The following MEGF11 variants were observed in gnomAD, a reference collection of about 807,000 sequenced individuals.
MEGF11 encodes multiple epidermal growth factor-like domains protein 11.
In MEGF11, 126 loss-of-function variants were observed where a neutral mutation model predicts 146.6. The observed-to-expected ratio is 0.86, with a 90% confidence interval of 0.74 to 1.00. The LOEUF (loss-of-function observed/expected upper bound fraction) is 1.00. MEGF11 is among the 50% of genes least tolerant of loss of function. The pLI, the probability that MEGF11 is intolerant of heterozygous loss-of-function variation, is 0.00. For missense variants in MEGF11, 1,509 were observed against 1,521.2 expected (o/e 0.99, Z 0.13); for synonymous variants, 532 against 583.4 (o/e 0.91, Z 1.27).
In MEGF11 at chr15:65,913,896, C is replaced by A. The variant is rs746916371; in HGVS notation, c.2551G>T (p.Ala851Ser). 1.3e-5 allele frequency: 21 copies of A among 1,613,930 alleles called. No homozygotes were observed. The highest frequency in any genetic ancestry group is 6.7e-5 in the Admixed American group (4 of 60,016). ...ALGAERHSVGAVTGIMLLLFL... is the reference protein window; with the variant it reads ...ALGAERHSVGSVTGIMLLLFL... ...AACAGGAGCATGATGCCTGTGACAGCACCCACCGAGTGCCGCTCTGCACCC... is the reference window on the plus strand; with the variant it reads ...AACAGGAGCATGATGCCTGTGACAGAACCCACCGAGTGCCGCTCTGCACCC... Residue 851 changes from alanine to serine, a missense_variant, in exon 20 of 26, where the codon GCT becomes TCT. Physicochemically the swap from Ala to Ser is moderately conservative, Grantham distance 99. Transcript: ENST00000395614.
chr15:66,060,493 C>T (rs1477286552), intron 5 of MEGF11, among the ~76,000 whole-genome samples: 3 of 152,242 alleles, frequency 2.0e-5, no homozygotes, highest in African/African-American at 7.2e-5. Flanking sequence ...TGCGCAGAAG[C>T]CTCCGAGGGA....
intron 5 of MEGF11, among the ~76,000 whole-genome samples, chr15:66,058,445 G>C (rs936780212): frequency 6.6e-6 from 1 of 152,200 alleles, no homozygotes; most frequent in Non-Finnish European, 1.5e-5. Flanking sequence ...CAAGCCAGGA[G>C]CTGAGGAGGC....
At chr15:65,978,930 T>C (rs1046150685) in intron 7 of MEGF11, among the ~76,000 whole-genome samples, 3 of 152,002 alleles carry the variant, frequency 2.0e-5, no homozygotes, top group Admixed American at 2.0e-4. Context: ...AAGGAAGGTA[T>C]TGACAGACCA....
intron 23 of MEGF11, 97 bp downstream of exon 23, chr15:65,908,937 G>C (rs1387769163): frequency 1.1e-5 from 8 of 721,100 alleles, no homozygotes; most frequent in Non-Finnish European, 1.9e-5. Context: ...AGAGTTCTGG[G>C]ACCACAGGGT....
chr15:66,122,098 A>G (rs2088056672), intron 3 of MEGF11, among the ~76,000 whole-genome samples: 1 of 152,098 alleles, frequency 6.6e-6, no homozygotes, highest in Admixed American at 6.5e-5. Context: ...CCCCATCTCT[A>G]CTAAAAATAC....
chr15:66,012,809 C>T (rs943930274), intron 5 of MEGF11, among the ~76,000 whole-genome samples: 3 of 152,214 alleles, frequency 2.0e-5, no homozygotes, highest in African/African-American at 7.2e-5. Context: ...GCAGCGCTTC[C>T]CCTAGGAGCC....
At chr15:65,918,437 CCTGTA>C (rs1358938533) in intron 15 of MEGF11, among the ~76,000 whole-genome samples, 1 of 152,238 alleles carries the variant, frequency 6.6e-6, no homozygotes, top group African/African-American at 2.4e-5. Context: ...TCCAGTGCTC[CCTGTA>C]CTGTTCCACA....
chr15:66,149,889 T>C (rs918446627), intron 1 of MEGF11, among the ~76,000 whole-genome samples: 69 of 152,356 alleles, frequency 4.5e-4, no homozygotes, highest in African/African-American at 1.6e-3. Flanking sequence ...CAGACCTCAC[T>C]GGAGCATCAC....
chr15:66,022,758 G>T (rs756336541), intron 5 of MEGF11, among the ~76,000 whole-genome samples: 1 of 149,746 alleles, frequency 6.7e-6, no homozygotes, highest in Non-Finnish European at 1.5e-5. Flanking sequence ...TGAGCCTGGG[G>T]TTGGGGGTGG....
chr15:65,918,905 T>C (rs2079086674), intron 15 of MEGF11, among the ~76,000 whole-genome samples: 1 of 152,246 alleles, frequency 6.6e-6, no homozygotes, highest in Non-Finnish European at 1.5e-5. Flanking sequence ...GCTTGAGCTC[T>C]CTAAAGCACA....
At chr15:66,141,236 GTGT>G (rs1567261080) in intron 1 of MEGF11, among the ~76,000 whole-genome samples, 2,910 of 57,628 alleles carry the variant, frequency 0.05, 62 homozygotes, top group Middle Eastern at 0.12. Context: ...ACTCAGGGGT[GTGT>G]GTGTGTGTGT....
intron 5 of MEGF11, among the ~76,000 whole-genome samples, chr15:66,015,706 A>T (rs376232339): frequency 3.3e-5 from 5 of 152,328 alleles, no homozygotes; most frequent in African/African-American, 1.2e-4. Context: ...CTAGAAAAGC[A>T]GACCTGTGGT....
chr15:65,949,234 C>T (rs576192610), intron 10 of MEGF11, among the ~76,000 whole-genome samples: 9 of 152,254 alleles, frequency 5.9e-5, no homozygotes, highest in East Asian at 3.9e-4. Context: ...GCCGGGGGAG[C>T]GTAACGTCTT....
chr15:65,917,650 T>C (rs1567155936), intron 16 of MEGF11, among the ~76,000 whole-genome samples: 2 of 152,184 alleles, frequency 1.3e-5, no homozygotes. Flanking sequence ...TCGAGCATGC[T>C]GTTGCACCAC....
intron 9 of MEGF11, among the ~76,000 whole-genome samples, chr15:65,964,502 C>T (rs1567179167): frequency 1.4e-5 from 2 of 147,670 alleles, no homozygotes; most frequent in South Asian, 2.2e-4. Context: ...TTGGATGCCA[C>T]GCAAGTGGAG....
chr15:66,231,055 T>C (rs1567292536), intron 1 of MEGF11, among the ~76,000 whole-genome samples: 1 of 151,992 alleles, frequency 6.6e-6, no homozygotes, highest in Admixed American at 6.5e-5. Flanking sequence ...GTCCCATGGT[T>C]AAATAATTTT....
intron 5 of MEGF11, among the ~76,000 whole-genome samples, chr15:66,070,564 G>A (rs8033704): frequency 6.6e-6 from 1 of 152,236 alleles, no homozygotes; most frequent in Non-Finnish European, 1.5e-5. Context: ...GGCTGGCTCT[G>A]GTGGTGGTGG....
chr15:65,990,911 C>G (rs1442787502), intron 5 of MEGF11, among the ~76,000 whole-genome samples: 1 of 152,142 alleles, frequency 6.6e-6, no homozygotes, highest in African/African-American at 2.4e-5. Flanking sequence ...GTTACCCGAG[C>G]TCTGAGCTGA....
chr15:66,138,570 C>T (rs1050630835), intron 1 of MEGF11, among the ~76,000 whole-genome samples: 1 of 152,162 alleles, frequency 6.6e-6, no homozygotes, highest in African/African-American at 2.4e-5. Context: ...GCCGGCACTT[C>T]ACCTCCCTCC....
Sources: allele counts gnomAD v4.1 joint callset (sites outside exome capture counted in the v4.1 genomes callset), GRCh38; gene constraint gnomAD v4.1.1; transcripts MANE v1.5; gene names NCBI Gene and HGNC (gene_info 2026-07-23, HGNC 2026-07-21).